Variants in CATSPERD observed in about 807,000 individuals in gnomAD.
CATSPERD encodes cation channel sperm-associated auxiliary subunit delta.
A neutral mutation model predicts 98.1 loss-of-function variants in CATSPERD; 86 were observed. The ratio of observed to expected loss-of-function variants is 0.88; its 90% confidence interval spans 0.74 to 1.05. The LOEUF is 1.05. Among genes scored for constraint, CATSPERD ranks in the 50% least tolerant of loss-of-function variants. CATSPERD has a pLI of 0.00. For missense variants in CATSPERD, 995 were observed against 1,005.7 expected, an observed-to-expected ratio of 0.99 and a Z score of 0.14; for synonymous variants, 394 against 390.2, an observed-to-expected ratio of 1.01 and a Z score of -0.12.
At chr19:5,755,045 TG>T (rs1022175189) in intron 13 of CATSPERD, among the ~76,000 whole-genome samples, 1 of 151,798 alleles carries the variant, frequency 6.6e-6, no homozygotes, top group Non-Finnish European at 1.5e-5. Flanking sequence ...GGTTTTGCCA[TG>T]TTGGTCAGAC....
chr19:5,749,679 C>T (rs956935589), intron 11 of CATSPERD, among the ~76,000 whole-genome samples: 1 of 152,008 alleles, frequency 6.6e-6, no homozygotes, highest in African/African-American at 2.4e-5. Context: ...CTCCTCATAT[C>T]GTCCCTATTT....
intron 20 of CATSPERD, 147 bp from the exon 21 acceptor site, chr19:5,776,014 C>G: frequency 1.3e-6 from 1 of 782,518 alleles, no homozygotes. Flanking sequence ...ATGAACCTGC[C>G]CACACCATGG....
chr19:5,741,514 C>T (rs1365621705), intron 7 of CATSPERD, among the ~76,000 whole-genome samples: 1 of 152,020 alleles, frequency 6.6e-6, no homozygotes, highest in Non-Finnish European at 1.5e-5. Flanking sequence ...AACCAACGAA[C>T]AGTGCTCTCT....
chr19:5,731,636 C>T (rs183283828), intron 4 of CATSPERD, among the ~76,000 whole-genome samples: 8,224 of 118,586 alleles, frequency 0.069, 353 homozygotes, highest in African/African-American at 0.14. Flanking sequence ...ACTGCAGTGG[C>T]GCAATCTCGG....
intron 5 of CATSPERD, among the ~76,000 whole-genome samples, chr19:5,735,441 G>A (rs1342333785): frequency 6.6e-6 from 1 of 152,050 alleles, no homozygotes; most frequent in East Asian, 1.9e-4. Context: ...CTCCCGAGTA[G>A]CTGGGATTAC....
intron 16 of CATSPERD, among the ~76,000 whole-genome samples, chr19:5,765,490 TG>T: frequency 1.3e-5 from 2 of 152,190 alleles, no homozygotes; most frequent in South Asian, 4.1e-4. Flanking sequence ...CCATGCTCTC[TG>T]TGTACCAGGG....
At chr19:5,769,097 T>C (rs2145853814) in intron 18 of CATSPERD, among the ~76,000 whole-genome samples, 1 of 150,868 alleles carries the variant, frequency 6.6e-6, no homozygotes, top group Admixed American at 6.6e-5. Context: ...GAGGTTGCAG[T>C]GAGCCAAGAT....
intron 1 of CATSPERD, among the ~76,000 whole-genome samples, chr19:5,723,782 G>GT (rs539899078): frequency 0.076 from 10,238 of 134,716 alleles, 536 homozygotes; most frequent in African/African-American, 0.14. Context: ...TTTTGTTTTT[G>GT]TTTTTTTTTT....
intron 11 of CATSPERD, among the ~76,000 whole-genome samples, chr19:5,749,594 T>C (rs529730498): frequency 6.6e-6 from 1 of 152,120 alleles, no homozygotes; most frequent in Non-Finnish European, 1.5e-5. Context: ...GGGAAGAGTA[T>C]TTAAAATACT....
chr19:5,766,291 A>AAG, intron 17 of CATSPERD, 136 bp downstream of exon 17: 1 of 436,722 alleles, frequency 2.3e-6, no homozygotes, highest in Non-Finnish European at 3.8e-6. Context: ...TCTCTACTGA[A>AAG]AAAAAAAAAA....
At chr19:5,750,336 A>C (rs1338538335) in intron 11 of CATSPERD, among the ~76,000 whole-genome samples, 2 of 147,212 alleles carry the variant, frequency 1.4e-5, no homozygotes, top group Admixed American at 7.0e-5. Context: ...CTGTAGTCCC[A>C]GCTACTCGGG....
chr19:5,733,730 A>T (rs1340981896), intron 4 of CATSPERD, 126 bp from the exon 5 acceptor site: 2 of 657,288 alleles, frequency 3.0e-6, no homozygotes, highest in Non-Finnish European at 5.2e-6. Context: ...TGCTGGGATT[A>T]CAAGCGAGGG....
At chr19:5,756,227 G>A (rs778520223) in intron 13 of CATSPERD, among the ~76,000 whole-genome samples, 2 of 151,786 alleles carry the variant, frequency 1.3e-5, no homozygotes, top group African/African-American at 4.8e-5. Flanking sequence ...GTTGCAGTGA[G>A]CTGAGACCAT....
intron 15 of CATSPERD, among the ~76,000 whole-genome samples, chr19:5,762,750 G>GTGGA (rs200544942): frequency 2.0e-5 from 3 of 151,266 alleles, no homozygotes; most frequent in Admixed American, 6.6e-5. Flanking sequence ...AGATGGATGG[G>GTGGA]TGGATGGATG....
At chr19:5,758,170 C>T (rs1182153339) in intron 14 of CATSPERD, among the ~76,000 whole-genome samples, 4 of 151,968 alleles carry the variant, frequency 2.6e-5, no homozygotes, top group African/African-American at 4.8e-5. Flanking sequence ...GGAGGGTAGC[C>T]GGAGATCTGA....
chr19:5,741,975 G>T (rs2055982713), intron 7 of CATSPERD, among the ~76,000 whole-genome samples: 1 of 151,492 alleles, frequency 6.6e-6, no homozygotes, highest in Non-Finnish European at 1.5e-5. Flanking sequence ...GGAGGAGGTT[G>T]CAGTAAGCCC....
At chr19:5,772,188 C>A in intron 19 of CATSPERD, 1 of 386,878 alleles carries the variant, frequency 2.6e-6, no homozygotes, top group Non-Finnish European at 4.9e-6. Flanking sequence ...GCTGGGACTG[C>A]AGTTGCATAC....
intron 2 of CATSPERD, among the ~76,000 whole-genome samples, chr19:5,725,494 C>A (rs2055587334): frequency 6.6e-6 from 1 of 152,012 alleles, no homozygotes; most frequent in African/African-American, 2.4e-5. Flanking sequence ...AGAAGCAAAC[C>A]CTGTTACTTT....
chr19:5,754,074 G>A, intron 12 of CATSPERD, 58 bp from the exon 13 acceptor site: 1 of 1,194,088 alleles, frequency 8.4e-7, no homozygotes, highest in South Asian at 1.2e-5. Flanking sequence ...CCACCTCCTT[G>A]CCCTTTCTTT....
Sources: allele counts gnomAD v4.1 joint callset (sites outside exome capture counted in the v4.1 genomes callset), GRCh38; gene constraint gnomAD v4.1.1; transcripts MANE v1.5; gene names NCBI Gene and HGNC (gene_info 2026-07-23, HGNC 2026-07-21).